Variants in SLC44A5 observed in about 807,000 individuals in gnomAD.
The protein encoded by SLC44A5 is choline transporter-like protein 5.
A neutral mutation model predicts 101.8 loss-of-function variants in SLC44A5; 57 were observed. That is an observed-to-expected ratio of 0.56 (90% CI 0.45 to 0.70). SLC44A5 has a LOEUF of 0.70. SLC44A5 is among the 30% of genes least tolerant of loss of function. The pLI is 0.00. For missense variants in SLC44A5, 737 were observed against 853.1 expected (o/e 0.86, Z 1.70); for synonymous variants, 281 against 290.9 (o/e 0.97, Z 0.35).
chr1:75,708,177 C>A, the SLC44A5 span, among the ~76,000 whole-genome samples: 4 of 151,530 alleles, frequency 2.6e-5, no homozygotes, highest in African/African-American at 9.7e-5. Context: ...CTTTGGGAGG[C>A]CAAGGTGGGC....
At position 75,287,362 on chromosome 1, in the gene SLC44A5, G is replaced by A. The variant is rs144224324; in HGVS notation, c.176-12320C>T. 3.1e-5 allele frequency among the ~76,000 whole-genome samples: 4 copies of A among 130,614 alleles called. No individual in the cohort carries two copies. In the East Asian group the frequency reaches 9.7e-4, roughly 32 times the overall value. The allele number at this position is 130,614 out of a possible 152,430, so 85.7% of individuals were successfully genotyped here. A position where few individuals can be genotyped will look rare whatever the true frequency, so the allele number is the denominator to read the frequency against. On this transcript the variant is annotated intron_variant, in intron 5 of 23. Transcript: ENST00000370859. ...TATTCTGTAACTTTTTTTCATTTCT[G>A]TAAGTTGGTATTCACCTTTCTCTGG...
intron 1 of SLC44A5, chr1:75,582,491 C>A: frequency 1.7e-6 from 1 of 584,356 alleles, no homozygotes; most frequent in Non-Finnish European, 3.0e-6. Context: ...CAAGGCCCAG[C>A]CTGCAGCTCC....
At chr1:75,331,124 C>T (rs895568622) in intron 4 of SLC44A5, among the ~76,000 whole-genome samples, 1 of 152,008 alleles carries the variant, frequency 6.6e-6, no homozygotes, top group African/African-American at 2.4e-5. Context: ...CTCCTCCATC[C>T]TCCTAAGTGT....
rs181295992 is a variant in SLC44A5, at chr1:75,202,572, C to A, written c.*1155G>T. On this transcript the variant is annotated 3_prime_UTR_variant, in exon 24 of 24. Coordinates refer to ENST00000370859, the MANE Select transcript of SLC44A5 (RefSeq NM_001130058.2). ...AATTATGTTCCTGTTTATAGTAGTA[C>A]AATACAATTAACATACTGTAAGTAA... 2.8e-4 allele frequency: 43 copies of A among 152,082 alleles called. No individual in the cohort carries two copies. Among genetic ancestry groups the A allele is most frequent in the African/African-American group, 1.0e-3 (42 of 41,524 alleles). 9.4% of individuals were successfully genotyped at this position (152,082 alleles called of 1,614,324 possible). A position where few individuals can be genotyped will look rare whatever the true frequency, so the allele number is the denominator to read the frequency against.
chr1:75,722,303 T>C, the SLC44A5 span, among the ~76,000 whole-genome samples: 1 of 152,150 alleles, frequency 6.6e-6, no homozygotes, highest in African/African-American at 2.4e-5. Flanking sequence ...TCCGTCTAAT[T>C]AGGAATAAAC....
the SLC44A5 span, among the ~76,000 whole-genome samples, chr1:75,633,461 T>A: frequency 6.6e-6 from 1 of 152,168 alleles, no homozygotes; most frequent in South Asian, 2.1e-4. Context: ...GATTCCTAGG[T>A]ATTTTATTCT....
At chr1:75,674,772 G>C in the SLC44A5 span, among the ~76,000 whole-genome samples, 1 of 152,198 alleles carries the variant, frequency 6.6e-6, no homozygotes, top group East Asian at 1.9e-4. Flanking sequence ...GCCTTAAAGA[G>C]GAGATAGAGA....
intron 5 of SLC44A5, among the ~76,000 whole-genome samples, chr1:75,285,227 T>C (rs1652940688): frequency 6.6e-6 from 1 of 152,086 alleles, no homozygotes; most frequent in South Asian, 2.1e-4. Flanking sequence ...TCTAGGAGGG[T>C]TGTATATTTC....
chr1:75,455,868 G>A (rs943461551), intron 2 of SLC44A5, among the ~76,000 whole-genome samples: 4 of 152,032 alleles, frequency 2.6e-5, no homozygotes, highest in Non-Finnish European at 5.9e-5. Flanking sequence ...AGTGGATGTT[G>A]GTGAGACTAC....
chr1:75,269,172 C>A (rs1009445747), intron 6 of SLC44A5, among the ~76,000 whole-genome samples: 10 of 151,910 alleles, frequency 6.6e-5, no homozygotes, highest in Non-Finnish European at 1.2e-4. Flanking sequence ...ATTTGCAATT[C>A]TTTTTTTAAC....
intron 2 of SLC44A5, among the ~76,000 whole-genome samples, chr1:75,495,832 T>C (rs1258370338): frequency 6.6e-6 from 1 of 152,164 alleles, no homozygotes; most frequent in African/African-American, 2.4e-5. Context: ...GTATATAGGA[T>C]GTGTATATAC....
chr1:75,233,340 C>T (rs973308111), intron 12 of SLC44A5, among the ~76,000 whole-genome samples: 4 of 152,110 alleles, frequency 2.6e-5, no homozygotes, highest in Admixed American at 6.6e-5. Flanking sequence ...TCATTATCCA[C>T]CCCCTTCCAG....
At chr1:75,611,001 TACAG>T (rs1361852160) in intron 1 of SLC44A5, 35 bp downstream of exon 1, 12 of 948,082 alleles carry the variant, frequency 1.3e-5, no homozygotes, top group Middle Eastern at 1.1e-3. Context: ...CCAATTTTCC[TACAG>T]ACATAGACTT....
At chr1:75,267,920 T>G (rs1335102835) in intron 6 of SLC44A5, among the ~76,000 whole-genome samples, 1 of 152,148 alleles carries the variant, frequency 6.6e-6, no homozygotes, top group Non-Finnish European at 1.5e-5. Context: ...ACATGCTTAT[T>G]GTGAACCATT....
intron 4 of SLC44A5, among the ~76,000 whole-genome samples, chr1:75,324,916 T>G (rs1242388055): frequency 6.6e-6 from 1 of 152,096 alleles, no homozygotes; most frequent in Non-Finnish European, 1.5e-5. Context: ...CAATGAACAA[T>G]GAAAGTTAAA....
At chr1:75,313,766 T>C (rs1243089405) in intron 4 of SLC44A5, among the ~76,000 whole-genome samples, 1 of 151,802 alleles carries the variant, frequency 6.6e-6, no homozygotes, top group African/African-American at 2.4e-5. Context: ...AGAAAGAAAA[T>C]GAGAGGAAGC....
chr1:75,512,541 G>T (rs1669621328), intron 2 of SLC44A5, among the ~76,000 whole-genome samples: 1 of 152,064 alleles, frequency 6.6e-6, no homozygotes, highest in Non-Finnish European at 1.5e-5. Flanking sequence ...ACAATGATTT[G>T]GTGTCAGACA....
chr1:75,347,859 G>A (rs980322046), intron 3 of SLC44A5, among the ~76,000 whole-genome samples: 12 of 152,182 alleles, frequency 7.9e-5, no homozygotes, highest in South Asian at 6.2e-4. Context: ...CAGAAATGTC[G>A]ATGAAATTTT....
intron 5 of SLC44A5, among the ~76,000 whole-genome samples, chr1:75,279,606 T>C (rs1023833915): frequency 2.0e-5 from 3 of 152,120 alleles, no homozygotes; most frequent in African/African-American, 7.2e-5. Flanking sequence ...AATTATTATA[T>C]AGTTTTGAAA....
Sources: allele counts gnomAD v4.1 joint callset (sites outside exome capture counted in the v4.1 genomes callset), GRCh38; gene constraint gnomAD v4.1.1; transcripts MANE v1.5; gene names NCBI Gene and HGNC (gene_info 2026-07-23, HGNC 2026-07-21).